The following PHF24 variants were observed in gnomAD, a reference collection of about 807,000 sequenced individuals.
PHF24 encodes Galpha inhibitory interacting protein.
A neutral mutation model predicts 42.6 loss-of-function variants in PHF24; 25 were observed. That is an observed-to-expected ratio of 0.59 (90% CI 0.43 to 0.82). PHF24 has a LOEUF of 0.82. PHF24 is among the 40% of genes least tolerant of loss of function. The pLI is 0.00. For synonymous variants in PHF24, 185 were observed against 204.8 expected, an observed-to-expected ratio of 0.90 and a Z score of 0.83; for missense variants, 470 against 538.1, an observed-to-expected ratio of 0.87 and a Z score of 1.25.
chr9:34,769,746 C>T, the PHF24 span, among the ~76,000 whole-genome samples: 1 of 151,950 alleles, frequency 6.6e-6, no homozygotes, highest in African/African-American at 2.4e-5. Context: ...ACAAAATATC[C>T]AGGAATAGAG....
chr9:34,909,502 TTC>T, the PHF24 span, among the ~76,000 whole-genome samples: 1 of 152,016 alleles, frequency 6.6e-6, no homozygotes, highest in African/African-American at 2.4e-5. Flanking sequence ...TCTTGTATGC[TTC>T]TCTGTCTGTC....
At chr9:34,964,310 G>A (rs1826695054) in intron 1 of PHF24, among the ~76,000 whole-genome samples, 1 of 152,188 alleles carries the variant, frequency 6.6e-6, no homozygotes, top group African/African-American at 2.4e-5. Flanking sequence ...TCGGGAGGCT[G>A]AGGCAGGAGA....
chr9:34,976,379 ACCTAT>A (rs1827185552), intron 4 of PHF24, 149 bp downstream of exon 4: 1 of 978,322 alleles, frequency 1.0e-6, no homozygotes, highest in African/African-American at 1.6e-5. Context: ...CAGCAGAGTC[ACCTAT>A]CCCTGTCACA....
At chr9:34,825,186 A>G in the PHF24 span, among the ~76,000 whole-genome samples, 21 of 151,978 alleles carry the variant, frequency 1.4e-4, no homozygotes, top group Non-Finnish European at 2.4e-4. Context: ...GCTATGTCAA[A>G]GAGTCTGAGA....
the PHF24 span, chr9:34,726,999 A>G: frequency 1.3e-6 from 2 of 1,541,734 alleles, no homozygotes; most frequent in Non-Finnish European, 1.8e-6. Flanking sequence ...CTAGGAAGGG[A>G]AACACGGCAA....
chr9:34,685,505 GT>G, the PHF24 span, among the ~76,000 whole-genome samples: 4 of 152,106 alleles, frequency 2.6e-5, no homozygotes, highest in Non-Finnish European at 5.9e-5. Flanking sequence ...TTCCTCTCTT[GT>G]TTTTTCCCCA....
At chr9:34,671,851 C>CCATG in the PHF24 span, among the ~76,000 whole-genome samples, 1 of 148,616 alleles carries the variant, frequency 6.7e-6, no homozygotes, top group South Asian at 2.1e-4. Context: ...ATCCATCCAT[C>CCATG]CATGTGTCTA....
At chr9:34,976,266 C>T (rs1039852268) in intron 4 of PHF24, 36 bp downstream of exon 4, 92 of 1,537,724 alleles carry the variant, frequency 6.0e-5, no homozygotes, top group Non-Finnish European at 7.8e-5. Flanking sequence ...TGGAGAGGGG[C>T]CGGGCAGATT....
the PHF24 span, among the ~76,000 whole-genome samples, chr9:34,909,793 TTC>T: frequency 6.6e-6 from 1 of 152,130 alleles, no homozygotes; most frequent in African/African-American, 2.4e-5. Flanking sequence ...GGCTAATTTT[TTC>T]TGTTTTTTGG....
chr9:34,697,860 A>G, the PHF24 span, among the ~76,000 whole-genome samples: 19 of 152,190 alleles, frequency 1.2e-4, no homozygotes, highest in Non-Finnish European at 4.4e-5. Flanking sequence ...TGAGGTTGTG[A>G]GATGCTCTCT....
chr9:34,665,699 G>C, the PHF24 span: 1 of 700,814 alleles, frequency 1.4e-6, no homozygotes, highest in East Asian at 2.7e-5. Flanking sequence ...CGGCATGATT[G>C]AATCAGGGAT....
chr9:34,761,922 C>T, the PHF24 span, among the ~76,000 whole-genome samples: 4 of 152,214 alleles, frequency 2.6e-5, no homozygotes, highest in Admixed American at 6.5e-5. Context: ...GCTCAATTCC[C>T]ACCTATGAGT....
At chr9:34,957,221 C>G (rs946201114), upstream of PHF24, among the ~76,000 whole-genome samples, 8 of 151,988 alleles carry the variant, frequency 5.3e-5, no homozygotes, top group Admixed American at 5.2e-4. Context: ...TTATATCGCA[C>G]CAGGGTACCT....
At chr9:34,671,850 TCC>T in the PHF24 span, among the ~76,000 whole-genome samples, 158 of 152,148 alleles carry the variant, frequency 1.0e-3, no homozygotes, top group African/African-American at 3.7e-3. Context: ...CATCCATCCA[TCC>T]ATGTGTCTAT....
the PHF24 span, among the ~76,000 whole-genome samples, chr9:34,915,530 A>G: frequency 6.7e-6 from 1 of 149,156 alleles, no homozygotes; most frequent in Non-Finnish European, 1.5e-5. Context: ...TATCAAAGCT[A>G]GAAATGCCAA....
chr9:34,929,581 G>A, the PHF24 span, among the ~76,000 whole-genome samples: 57 of 152,102 alleles, frequency 3.7e-4, no homozygotes, highest in African/African-American at 1.3e-3. Context: ...ATTAGTACTG[G>A]GATCTGTTGA....
the PHF24 span, among the ~76,000 whole-genome samples, chr9:34,771,465 GTTA>G: frequency 6.6e-6 from 1 of 152,188 alleles, no homozygotes; most frequent in Non-Finnish European, 1.5e-5. Flanking sequence ...TAACCAAAAA[GTTA>G]TTATGTGGTA....
chr9:34,729,133 G>A, the PHF24 span: 13 of 983,500 alleles, frequency 1.3e-5, no homozygotes, highest in Middle Eastern at 2.5e-4. Context: ...GCCTGGTAAG[G>A]AATTATAGTC....
At chr9:34,729,358 C>T in the PHF24 span, 167 of 1,551,776 alleles carry the variant, frequency 1.1e-4, no homozygotes, top group Middle Eastern at 6.7e-4. Flanking sequence ...ATTACAATAA[C>T]GATGAAGATG....
Sources: gnomAD v4.1 joint callset for allele counts (sites outside exome capture counted in the v4.1 genomes callset) on GRCh38, gnomAD v4.1.1 for gene constraint, MANE v1.5 for transcripts, NCBI Gene and HGNC (gene_info 2026-07-23, HGNC 2026-07-21) for gene names.